Variants in GEMIN8 observed in about 807,000 individuals in gnomAD.
GEMIN8 encodes gem nuclear organelle associated protein 8.
For synonymous variants in GEMIN8, 80 were observed against 78.5 expected, an observed-to-expected ratio of 1.02 and a Z score of -0.10; for missense variants, 185 against 205.9, an observed-to-expected ratio of 0.90 and a Z score of 0.62.
chrX:14,018,537 G>C (rs775228724), intron 4 of GEMIN8, among the ~76,000 whole-genome samples: 2 of 111,502 alleles, frequency 1.8e-5, no homozygotes, highest in Non-Finnish European at 3.8e-5. Context: ...TCTGTCAAAA[G>C]CTGTAACAAA....
chrX:14,017,518 A>C (rs1305238970), intron 4 of GEMIN8, among the ~76,000 whole-genome samples: 2 of 112,042 alleles, frequency 1.8e-5, no homozygotes, highest in African/African-American at 6.5e-5. Flanking sequence ...TGCCATAACA[A>C]AGTACCATAT....
intron 4 of GEMIN8, among the ~76,000 whole-genome samples, chrX:14,019,255 G>A (rs1234470053): frequency 8.9e-6 from 1 of 112,334 alleles, no homozygotes; most frequent in African/African-American, 3.2e-5. Flanking sequence ...AATAGGGAAA[G>A]AAGCATTTGT....
intron 4 of GEMIN8, 82 bp from the exon 5 acceptor site, chrX:14,009,251 C>A: frequency 5.2e-6 from 5 of 963,734 alleles, no homozygotes; most frequent in South Asian, 2.2e-5. Flanking sequence ...GCTGCTGCTG[C>A]TGGCCATGCC....
At chrX:14,018,537 G>A (rs775228724) in intron 4 of GEMIN8, among the ~76,000 whole-genome samples, 140 of 111,552 alleles carry the variant, frequency 1.3e-3, no homozygotes, top group Middle Eastern at 4.6e-3. Flanking sequence ...TCTGTCAAAA[G>A]CTGTAACAAA....
chrX:13,987,166 G>A, the GEMIN8 span, among the ~76,000 whole-genome samples: 3 of 111,824 alleles, frequency 2.7e-5, no homozygotes, highest in South Asian at 7.6e-4. Flanking sequence ...GTCTTTGACA[G>A]GCACCCCACT....
chrX:13,985,736 T>A, the GEMIN8 span, among the ~76,000 whole-genome samples: 4 of 111,581 alleles, frequency 3.6e-5, no homozygotes, highest in East Asian at 1.1e-3. Context: ...AAAATGCTCA[T>A]GAGGTATTAA....
intron 4 of GEMIN8, among the ~76,000 whole-genome samples, chrX:14,017,022 A>G (rs776048106): frequency 9.3e-6 from 1 of 108,097 alleles, no homozygotes; most frequent in African/African-American, 3.4e-5. Context: ...TTGGGCACCA[A>G]CTTGGTACCA....
At chrX:14,027,470 G>C (rs1924757077) in intron 1 of GEMIN8, among the ~76,000 whole-genome samples, 2 of 112,736 alleles carry the variant, frequency 1.8e-5, no homozygotes, top group Non-Finnish European at 3.7e-5. Context: ...CAGAAAGCCT[G>C]CATCTCCCCG....
At chrX:13,997,531 T>A in the GEMIN8 span, among the ~76,000 whole-genome samples, 1 of 111,564 alleles carries the variant, frequency 9.0e-6, no homozygotes, top group Non-Finnish European at 1.9e-5. Flanking sequence ...AATGGTTAAG[T>A]CACTAAGTTT....
chrX:13,994,146 G>A, the GEMIN8 span, among the ~76,000 whole-genome samples: 29 of 111,902 alleles, frequency 2.6e-4, no homozygotes, highest in Non-Finnish European at 4.7e-4. Context: ...GATGACCAGC[G>A]ATTCTGCTTT....
intron 1 of GEMIN8, among the ~76,000 whole-genome samples, chrX:14,028,653 T>A (rs755566689): frequency 9.0e-6 from 1 of 111,594 alleles, no homozygotes; most frequent in African/African-American, 3.3e-5. Flanking sequence ...TCACCATCTA[T>A]AGAACAGTTT....
Position 14,021,471 on chromosome X carries a change from G to A in GEMIN8, c.8C>T (p.Ala3Val), listed in dbSNP as rs749753914. MA[A>V]VKASTSKATR... The stretch of plus-strand genomic sequence containing the variant: ...AAAAAATAAAAATCTTACCTTTACC[G>A]CTGCCATCTCTGATTGTGAAAGTCC... The change falls in exon 3 of 5, where the codon GCG (alanine) becomes GTG (valine). Residue 3 changes from alanine to valine, a missense_variant. Ala to Val is a moderately conservative substitution (Grantham distance 64). Coordinates refer to ENST00000680255, the MANE Select transcript of GEMIN8 (RefSeq NM_001042479.2). 9.0e-6 allele frequency: 10 copies of A among 1,114,361 alleles called. No homozygotes were observed. Among genetic ancestry groups the A allele is most frequent in the Middle Eastern group, 2.4e-4 (1 of 4,165 alleles). 91.8% of individuals were successfully genotyped at this position (1,114,361 alleles called of 1,213,427 possible).
downstream of GEMIN8, among the ~76,000 whole-genome samples, chrX:14,005,521 G>A (rs1923115955): frequency 8.9e-6 from 1 of 111,872 alleles, no homozygotes; most frequent in Non-Finnish European, 1.9e-5. Context: ...TCTCTTCACT[G>A]TTCATCTGTA....
At chrX:14,019,682 C>T (rs1048364354) in intron 4 of GEMIN8, among the ~76,000 whole-genome samples, 13 of 111,728 alleles carry the variant, frequency 1.2e-4, no homozygotes, top group Admixed American at 1.0e-3. Flanking sequence ...TTGTGTACCA[C>T]GGAACAAGTC....
chrX:14,022,599 C>CT (rs11353765), intron 2 of GEMIN8, among the ~76,000 whole-genome samples: 5,840 of 106,337 alleles, frequency 0.055, 145 homozygotes, highest in South Asian at 0.09. Context: ...TTAAAATAGA[C>CT]TTTTTTTTTT....
At chrX:14,014,641 C>T in intron 4 of GEMIN8, 1 of 376,880 alleles carries the variant, frequency 2.7e-6, no homozygotes, top group Non-Finnish European at 3.4e-6. Flanking sequence ...AAATACTGGG[C>T]CATAAACTTC....
intron 4 of GEMIN8, among the ~76,000 whole-genome samples, chrX:14,011,516 C>CTTTTTTTTTTT (rs575651297): frequency 2.2e-4 from 13 of 60,386 alleles, no homozygotes; most frequent in African/African-American, 8.3e-4. Flanking sequence ...CTATGGCTCT[C>CTTTTTTTTTTT]TTTTTTTTTT....
Position 14,008,608 on chromosome X carries a change from G to A in GEMIN8, c.*305C>T. ...AAAAGATAAAAAAGCAAAACACCAG[G>A]CAGTATCTCTAGGCAAGAACGTTAA... On this transcript the variant is annotated 3_prime_UTR_variant, in exon 5 of 5. Coordinates refer to ENST00000680255, the MANE Select transcript of GEMIN8 (RefSeq NM_001042479.2). 1 of 284,661 alleles carries A rather than the reference G, an allele frequency of 3.5e-6. No individual in the cohort carries two copies. The highest frequency in any genetic ancestry group is 6.1e-6 in the Non-Finnish European group (1 of 163,587). 23.5% of individuals were successfully genotyped at this position (284,661 alleles called of 1,213,427 possible). A position where few individuals can be genotyped will look rare whatever the true frequency, so the allele number is the denominator to read the frequency against.
chrX:13,997,268 C>A, the GEMIN8 span, among the ~76,000 whole-genome samples: 2 of 110,975 alleles, frequency 1.8e-5, no homozygotes, highest in Non-Finnish European at 3.8e-5. Flanking sequence ...GCTTTTGGGA[C>A]CCTTGTTATA....
Sources: gnomAD v4.1 joint callset for allele counts (sites outside exome capture counted in the v4.1 genomes callset) on GRCh38, gnomAD v4.1.1 for gene constraint, MANE v1.5 for transcripts, NCBI Gene and HGNC (gene_info 2026-07-23, HGNC 2026-07-21) for gene names.